Variants in CTNNA2 observed in about 807,000 individuals in gnomAD.
CTNNA2 encodes the protein catenin alpha 2.
A neutral mutation model predicts 101.0 loss-of-function variants in CTNNA2; 42 were observed. The ratio of observed to expected loss-of-function variants is 0.42; its 90% CI spans 0.32 to 0.54. The LOEUF is 0.54. Ranked by LOEUF, CTNNA2 falls within the 20% of genes least tolerant of loss-of-function variation. The pLI, the probability that CTNNA2 is intolerant of heterozygous loss-of-function variation, is 0.14. For missense variants in CTNNA2, 871 were observed against 1,223.1 expected (o/e 0.71, Z 4.29); for synonymous variants, 450 against 456.4 (o/e 0.99, Z 0.18).
chr2:79,828,424 G>GT (rs1044204477), intron 3 of CTNNA2, among the ~76,000 whole-genome samples: 2 of 152,160 alleles, frequency 1.3e-5, no homozygotes, highest in African/African-American at 4.8e-5. Flanking sequence ...GTCATACTCA[G>GT]TGCCTGGCAG....
chr2:79,908,855 G>A (rs1038979057), intron 6 of CTNNA2, among the ~76,000 whole-genome samples: 2 of 152,104 alleles, frequency 1.3e-5, no homozygotes, highest in Non-Finnish European at 2.9e-5. Context: ...CATCTACCTC[G>A]GGGCATCTCT....
chr2:80,353,165 C>T (rs1673471161), intron 7 of CTNNA2, among the ~76,000 whole-genome samples: 2 of 151,996 alleles, frequency 1.3e-5, no homozygotes, highest in African/African-American at 4.8e-5. Flanking sequence ...TAGTATTTCC[C>T]CTCCATTTAG....
intron 7 of CTNNA2, among the ~76,000 whole-genome samples, chr2:79,951,970 T>C (rs572136471): frequency 2.0e-5 from 3 of 152,184 alleles, no homozygotes; most frequent in Non-Finnish European, 4.4e-5. Context: ...GCTCATTTCA[T>C]AGGCCATGCT....
At chr2:80,217,805 T>A (rs1708354907) in intron 7 of CTNNA2, among the ~76,000 whole-genome samples, 2 of 151,910 alleles carry the variant, frequency 1.3e-5, no homozygotes, top group South Asian at 2.1e-4. Flanking sequence ...GGGAGAGGGG[T>A]TCAGGGCTGG....
chr2:80,002,720 C>T (rs1693037793), intron 7 of CTNNA2, among the ~76,000 whole-genome samples: 1 of 152,080 alleles, frequency 6.6e-6, no homozygotes, highest in African/African-American at 2.4e-5. Flanking sequence ...CAGCTGTGCT[C>T]CTCCACCCCC....
At chr2:80,279,624 A>G (rs1674206903) in intron 7 of CTNNA2, among the ~76,000 whole-genome samples, 1 of 152,144 alleles carries the variant, frequency 6.6e-6, no homozygotes, top group South Asian at 2.1e-4. Flanking sequence ...GCACCCACCA[A>G]TGGGCAGAAT....
intron 3 of CTNNA2, among the ~76,000 whole-genome samples, chr2:79,851,341 A>G (rs1349117492): frequency 6.6e-6 from 1 of 152,246 alleles, no homozygotes; most frequent in East Asian, 1.9e-4. Context: ...AAAATAATCA[A>G]AATGATAAAA....
intron 17 of CTNNA2, among the ~76,000 whole-genome samples, chr2:80,615,939 A>G (rs1698816383): frequency 6.6e-6 from 1 of 151,738 alleles, no homozygotes; most frequent in South Asian, 2.1e-4. Flanking sequence ...GGCTATAAAT[A>G]TATCTCAAAT....
intron 2 of CTNNA2, among the ~76,000 whole-genome samples, chr2:79,690,793 C>T (rs1684242702): frequency 1.3e-5 from 2 of 151,994 alleles, no homozygotes; most frequent in African/African-American, 4.8e-5. Flanking sequence ...TTTATATCAT[C>T]ATCACACTTG....
chr2:79,579,692 G>T (rs1676027533), intron 1 of CTNNA2, among the ~76,000 whole-genome samples: 1 of 152,160 alleles, frequency 6.6e-6, no homozygotes, highest in African/African-American at 2.4e-5. Flanking sequence ...TTGGCTCACT[G>T]CAACCTCCTC....
In CTNNA2 at chr2:79,744,550, T is replaced by G. The variant is rs763757402; in HGVS notation, c.266T>G (p.Leu89Trp). Reference sequence around the variant, plus strand: ...GAGAGTCAAGATCTCAAAGAAGAGTTGGTGGCTGCTGTAGAGGATGTGCGC... The same window carrying G: ...GAGAGTCAAGATCTCAAAGAAGAGTGGGTGGCTGCTGTAGAGGATGTGCGC... ...AKESQDLKEE[L>W]VAAVEDVRKQ... Residue 89 changes from leucine to tryptophan, a missense_variant, in exon 3 of 19, where the codon TTG (leucine) becomes TGG (tryptophan). Transcript: ENST00000402739. 6.2e-7 allele frequency: 1 copy of G among 1,613,932 alleles called. No homozygotes were observed. The highest frequency in any genetic ancestry group is 8.5e-7 in the Non-Finnish European group (1 of 1,179,888).
chr2:80,041,716 G>C (rs1696070414), intron 7 of CTNNA2, among the ~76,000 whole-genome samples: 1 of 152,148 alleles, frequency 6.6e-6, no homozygotes, highest in Non-Finnish European at 1.5e-5. Flanking sequence ...ACAAATTAGA[G>C]GGTAAAACGC....
intron 18 of CTNNA2, among the ~76,000 whole-genome samples, chr2:80,637,415 G>A (rs866757127): frequency 6.6e-6 from 1 of 151,552 alleles, no homozygotes; most frequent in South Asian, 2.1e-4. Flanking sequence ...TTTAAGTCTA[G>A]AGTCCAGGTT....
chr2:80,294,653 T>C (rs1675581577), intron 7 of CTNNA2, among the ~76,000 whole-genome samples: 1 of 152,056 alleles, frequency 6.6e-6, no homozygotes, highest in African/African-American at 2.4e-5. Context: ...ATAATAATAA[T>C]AATAAAAATA....
chr2:79,900,789 TA>T (rs1685019805), intron 6 of CTNNA2, among the ~76,000 whole-genome samples: 2 of 149,930 alleles, frequency 1.3e-5, no homozygotes, highest in African/African-American at 5.1e-5. Context: ...TAAAAATAAC[TA>T]AAAGAGTATA....
intron 2 of CTNNA2, chr2:79,281,617 C>T (rs1315652059): frequency 6.6e-6 from 1 of 152,120 alleles, no homozygotes; most frequent in Admixed American, 6.5e-5. Context: ...TTTGACATCA[C>T]CAAAGAACAC....
chr2:79,252,014 G>A (rs181140259), intron 2 of CTNNA2, among the ~76,000 whole-genome samples: 87 of 152,272 alleles, frequency 5.7e-4, no homozygotes, highest in African/African-American at 2.0e-3. Flanking sequence ...GCTGTCAGAG[G>A]CCAGAGAATA....
chr2:79,703,116 A>G (rs1396746955), intron 2 of CTNNA2, among the ~76,000 whole-genome samples: 3 of 152,232 alleles, frequency 2.0e-5, no homozygotes, highest in Non-Finnish European at 2.9e-5. Flanking sequence ...AGAGCTTGTC[A>G]TAGCTCCCTA....
intron 7 of CTNNA2, among the ~76,000 whole-genome samples, chr2:80,083,866 G>T (rs1699294202): frequency 6.6e-6 from 1 of 152,030 alleles, no homozygotes; most frequent in Admixed American, 6.6e-5. Flanking sequence ...AAATTACTTT[G>T]TGAGGTATGT....
Sources: gnomAD v4.1 joint callset for allele counts (sites outside exome capture counted in the v4.1 genomes callset) on GRCh38, gnomAD v4.1.1 for gene constraint, MANE v1.5 for transcripts, NCBI Gene and HGNC (gene_info 2026-07-23, HGNC 2026-07-21) for gene names.